ADAMTS7: variants seen among roughly 807,000 people sequenced by gnomAD.
ADAMTS7 encodes the protein A disintegrin and metalloproteinase with thrombospondin motifs 7.
In ADAMTS7, 89 loss-of-function variants were observed where a neutral mutation model predicts 172.6. That is an observed-to-expected ratio of 0.52 (90% CI 0.43 to 0.61). The LOEUF (loss-of-function observed/expected upper bound fraction) is 0.61. ADAMTS7 is among the 20% of genes least tolerant of loss of function. ADAMTS7 has a pLI of 0.00. For synonymous variants in ADAMTS7, 885 were observed against 978.4 expected, an observed-to-expected ratio of 0.90 and a Z score of 1.78; for missense variants, 1,973 against 2,355.6, an observed-to-expected ratio of 0.84 and a Z score of 3.36.
chr15:78,798,940 G>A (rs1184821692), intron 2 of ADAMTS7, among the ~76,000 whole-genome samples: 4 of 151,542 alleles, frequency 2.6e-5, no homozygotes, highest in Admixed American at 6.6e-5. Context: ...TATGAATGCG[G>A]AGTCCCCCCC....
rs200371521 is a variant in ADAMTS7, at chr15:78,774,192, T to C, written c.1985A>G (p.Asp662Gly). 1.3e-6 allele frequency: 2 copies of C among 1,591,228 alleles called. No individual in the cohort carries two copies. Among genetic ancestry groups the C allele is most frequent in the African/African-American group, 1.3e-5 (1 of 74,854 alleles). ...CTTACAGATGCCGTTGATGCAGAGG[T>C]CCCGGCTGGCTCGGACCTGGTAGCA... ...TPCYQVRASR[D>G]LCINGICKNV... The change falls in exon 13 of 24, where the codon GAC becomes GGC. Residue 662 changes from aspartate (D) to glycine (G), a missense_variant. By Grantham distance (94) the Asp-to-Gly change is moderately conservative (BLOSUM62 -1). This residue lies in a region of ADAMTS7 where 526 missense variants were observed against 662.9 expected (regional missense o/e 0.79). Transcript: ENST00000388820.
chr15:78,774,972 G>A (rs1348810705), intron 11 of ADAMTS7, among the ~76,000 whole-genome samples, 179 bp from the exon 12 acceptor site: 2 of 152,180 alleles, frequency 1.3e-5, no homozygotes, highest in Non-Finnish European at 2.9e-5. Flanking sequence ...CACTCTCCCT[G>A]TTTGTAAGGA....
At chr15:78,764,393 A>G (rs1276662760) in intron 20 of ADAMTS7, among the ~76,000 whole-genome samples, 162 bp downstream of exon 20, 1 of 152,228 alleles carries the variant, frequency 6.6e-6, no homozygotes, top group East Asian at 1.9e-4. Context: ...CCAGACAAAG[A>G]TGAGAAGACT....
At chr15:78,777,088 C>T in intron 9 of ADAMTS7, 1 of 568,332 alleles carries the variant, frequency 1.8e-6, no homozygotes, top group South Asian at 2.3e-5. Context: ...CCGGCCCAGC[C>T]CCTCCTCTGG....
At chr15:78,807,666 GAATT>G (rs899626364) in intron 1 of ADAMTS7, among the ~76,000 whole-genome samples, 9 of 150,540 alleles carry the variant, frequency 6.0e-5, no homozygotes, top group African/African-American at 2.2e-4. Flanking sequence ...GGTTGTGTAA[GAATT>G]AAATGAGTTA....
In ADAMTS7 at chr15:78,796,765, C is replaced by G; in HGVS notation, c.644G>C (p.Arg215Pro). ...GVQVYPELES[R>P]RERWEQRQQW... ...CTGCCGCTGCTCCCAACGCTCCCGT[C>G]GAGACTCCAGCTCTGGGTACACTGG... Residue 215 changes from arginine (R) to proline (P), a missense_variant, in exon 4 of 24, where the codon CGA becomes CCA. Physicochemically the swap from Arg to Pro is moderately radical, Grantham distance 103. This residue lies in a region of ADAMTS7 where 526 missense variants were observed against 662.9 expected (regional missense o/e 0.79). Transcript: ENST00000388820. 6.2e-7 allele frequency: 1 copy of G among 1,611,256 alleles called. No individual in the cohort carries two copies. The highest frequency in any genetic ancestry group is 8.5e-7 in the Non-Finnish European group (1 of 1,179,674).
intron 4 of ADAMTS7, among the ~76,000 whole-genome samples, chr15:78,792,638 A>C (rs1353261844): frequency 6.6e-6 from 1 of 152,064 alleles, no homozygotes; most frequent in Non-Finnish European, 1.5e-5. Context: ...AAATGGTGAA[A>C]CCCGTCTCTA....
intron 1 of ADAMTS7, among the ~76,000 whole-genome samples, chr15:78,805,186 C>T (rs1181676925): frequency 2.0e-5 from 3 of 152,218 alleles, no homozygotes; most frequent in Admixed American, 6.5e-5. Context: ...TGATTTAAGG[C>T]GACTTCTTGC....
At chr15:78,788,124 C>T in intron 8 of ADAMTS7, 107 bp downstream of exon 8, 1 of 1,455,326 alleles carries the variant, frequency 6.9e-7, no homozygotes, top group Non-Finnish European at 9.3e-7. Context: ...AGATCTTGCC[C>T]CTCTGCTTCC....
rs75987215 is a variant in ADAMTS7, at chr15:78,763,984, G to A, written c.4535C>T (p.Ala1512Val). 1.4e-3 allele frequency: 2,229 copies of A among 1,546,380 alleles called. 17 individuals carry two copies. In the African/African-American group the frequency reaches 0.023, roughly 16 times the overall value. Residue 1512 changes from alanine to valine, a missense_variant, in exon 21 of 24, where the codon GCG becomes GTG. Ala to Val is a moderately conservative substitution (Grantham distance 64). This residue lies in a region of ADAMTS7 where 218 missense variants were observed against 216.9 expected (regional missense o/e 1.01). Coordinates refer to ENST00000388820, the MANE Select transcript of ADAMTS7 (RefSeq NM_014272.5). ...GGGCTGGGCCCCGCAGGGCCGGTGCGCAGGCGGCTTGGCAGGCCCGGGCTG... is the reference window on the plus strand; with the variant it reads ...GGGCTGGGCCCCGCAGGGCCGGTGCACAGGCGGCTTGGCAGGCCCGGGCTG... ...HCQPGPAKPP[A>V]HRPCGAQPCL...
In ADAMTS7 at chr15:78,771,681, G is replaced by C. The variant is rs753781205; in HGVS notation, c.2280C>G (p.Asp760Glu). 1.2e-6 allele frequency: 2 copies of C among 1,604,182 alleles called. No homozygotes were observed. The highest frequency in any genetic ancestry group is 1.7e-6 in the Non-Finnish European group (2 of 1,179,926). The stretch of plus-strand genomic sequence containing the variant: ...TGAAGGTGGTCCCTGCCACCTGGTA[G>C]TCCCCGTTCCACTGGATGGTCCAGC... ...NGGWTIQWNG[D>E]YQVAGTTFTY... The change falls in exon 15 of 24, where the codon GAC (aspartate) becomes GAG (glutamate). Residue 760 changes from aspartate to glutamate, a missense_variant. Transcript: ENST00000388820. This position sits in a 1 kb window ranked among gnomAD's most constrained non-coding sequence, Gnocchi z 4.9.
At chr15:78,802,163 G>A (rs2055734222) in intron 1 of ADAMTS7, among the ~76,000 whole-genome samples, 2 of 152,142 alleles carry the variant, frequency 1.3e-5, no homozygotes, top group Non-Finnish European at 2.9e-5. Context: ...AAAGATTTAA[G>A]TGTTAGAGGA....
At chr15:78,781,384 C>A (rs1170530158) in intron 8 of ADAMTS7, among the ~76,000 whole-genome samples, 1 of 152,154 alleles carries the variant, frequency 6.6e-6, no homozygotes, top group Non-Finnish European at 1.5e-5. Context: ...TGCCTGACTC[C>A]CAGGATGCAA....
intron 8 of ADAMTS7, among the ~76,000 whole-genome samples, chr15:78,784,924 C>G (rs951845719): frequency 1.3e-5 from 2 of 151,530 alleles, no homozygotes; most frequent in African/African-American, 4.9e-5. Context: ...TCCATGCACT[C>G]TTTCTCAGAA....
chr15:78,776,786 T>A lies in ADAMTS7; in HGVS notation c.1523A>T (p.Asp508Val). The A allele has an allele frequency of 1.9e-6, 3 of 1,552,046 alleles. No individual in the cohort carries two copies. The highest frequency in any genetic ancestry group is 1.7e-6 in the Non-Finnish European group (2 of 1,146,890). The change falls in exon 10 of 24, where the codon GAT becomes GTT. Residue 508 changes from aspartate (D) to valine (V), a missense_variant. This residue lies in a region of ADAMTS7 where 526 missense variants were observed against 662.9 expected (regional missense o/e 0.79). Coordinates refer to ENST00000388820, the MANE Select transcript of ADAMTS7 (RefSeq NM_014272.5). ...SVGTTCHSKL[D>V]AAVDGTRCGE... Reference sequence around the variant, plus strand: ...ACACCGGGTGCCGTCCACAGCTGCATCCAGCTTGGAGTGACAGGTGGTCCC... The same window carrying A: ...ACACCGGGTGCCGTCCACAGCTGCAACCAGCTTGGAGTGACAGGTGGTCCC...
chr15:78,791,899 T>C (rs2055586628), intron 4 of ADAMTS7, among the ~76,000 whole-genome samples: 1 of 150,300 alleles, frequency 6.7e-6, no homozygotes, highest in Non-Finnish European at 1.5e-5. Context: ...TCCCCAAAGA[T>C]GGAAGATAAG....
chr15:78,776,162 A>G, intron 11 of ADAMTS7, 26 bp downstream of exon 11: 1 of 1,594,552 alleles, frequency 6.3e-7, no homozygotes. Flanking sequence ...CCCACTGCCC[A>G]AGGGCACCCT....
chr15:78,806,119 CACACACACAAAAAAAAAAAAAAAAA>C (rs2055788391), intron 1 of ADAMTS7, among the ~76,000 whole-genome samples: 1 of 17,828 alleles, frequency 5.6e-5, no homozygotes, highest in East Asian at 1.5e-3. Context: ...CACACACACA[CACACACACAAAAAAAAAAAAAAAAA>C]AAAAAAAAAA....
chr15:78,760,046 C>A lies in ADAMTS7; in HGVS notation c.4904-468G>T, dbSNP rs554078242. ...CATCTGTCCTGCCAGGCCTCCGTGA[C>A]CACCTCCAGCCACAGGGGCTGTACT... is the stretch of plus-strand genomic sequence containing the variant. On this transcript the variant is annotated intron_variant, in intron 23 of 23. Transcript: ENST00000388820. Among the ~76,000 whole-genome samples, 214 of 151,984 alleles carry A rather than the reference C, an allele frequency of 1.4e-3. 1 individual carries two copies. The highest frequency in any genetic ancestry group is 5.1e-3 in the African/African-American group (210 of 41,528).
Sources: gnomAD v4.1 joint callset for allele counts (sites outside exome capture counted in the v4.1 genomes callset) on GRCh38, gnomAD v4.1.1 for gene constraint, gnomAD v4.1.1 regional missense constraint, Gnocchi (gnomAD v3.1) non-coding constraint, MANE v1.5 for transcripts, NCBI Gene and HGNC (gene_info 2026-07-23, HGNC 2026-07-21) for gene names.